UPF2: variants seen among roughly 807,000 people sequenced by gnomAD.
UPF2 encodes the protein UPF2 regulator of nonsense mediated mRNA decay.
UPF2 carries 17 observed loss-of-function variants against 141.4 expected under a neutral mutation model. That is an observed-to-expected ratio of 0.12 (90% CI 0.08 to 0.18). The LOEUF is 0.18. Ranked by LOEUF, UPF2 falls within the 10% of genes least tolerant of loss-of-function variation. The pLI is 1.00. For missense variants in UPF2, 1,152 were observed against 1,515.9 expected, an observed-to-expected ratio of 0.76 and a Z score of 3.99; for synonymous variants, 540 against 498.0, an observed-to-expected ratio of 1.08 and a Z score of -1.12.
chr10:12,022,238 CCT>C (rs1489963593), intron 3 of UPF2, among the ~76,000 whole-genome samples: 9 of 151,690 alleles, frequency 5.9e-5, no homozygotes, highest in Admixed American at 5.9e-4. Flanking sequence ...ATGGTGAAAC[CCT>C]GTCTCTTCTA....
chr10:11,928,061 A>T (rs1832734521), intron 21 of UPF2, among the ~76,000 whole-genome samples: 1 of 152,234 alleles, frequency 6.6e-6, no homozygotes, highest in Non-Finnish European at 1.5e-5. Context: ...GGGCAGCAGA[A>T]GCCACTGTCC....
At chr10:11,922,205 C>T (rs1832654041) in intron 21 of UPF2, among the ~76,000 whole-genome samples, 1 of 152,208 alleles carries the variant, frequency 6.6e-6, no homozygotes, top group African/African-American at 2.4e-5. Flanking sequence ...TCCCTGACCT[C>T]AGGTTTCCTG....
chr10:11,937,986 G>A (rs909511018), intron 18 of UPF2, among the ~76,000 whole-genome samples: 12 of 152,032 alleles, frequency 7.9e-5, no homozygotes, highest in Non-Finnish European at 1.0e-4. Context: ...ACAAAAATGT[G>A]TTGGTAAGTA....
intron 13 of UPF2, among the ~76,000 whole-genome samples, chr10:11,955,721 T>C (rs954402060): frequency 6.6e-6 from 1 of 152,250 alleles, no homozygotes; most frequent in Admixed American, 6.5e-5. Flanking sequence ...AAAGAACATG[T>C]TAGGTATTAA....
At chr10:11,922,862 C>A (rs1225366963) in intron 21 of UPF2, among the ~76,000 whole-genome samples, 1 of 151,948 alleles carries the variant, frequency 6.6e-6, no homozygotes. Context: ...CATAGTGAGA[C>A]CTCGACTCCA....
chr10:11,967,209 A>T, intron 10 of UPF2, 132 bp downstream of exon 10: 2 of 513,712 alleles, frequency 3.9e-6, no homozygotes, highest in Non-Finnish European at 6.5e-6. Flanking sequence ...ACACTTGTTT[A>T]ACGTTACTTT....
chr10:11,954,736 G>T lies in UPF2; in HGVS notation c.2850+496C>A, dbSNP rs553464496. ...CATGCCTGTAATCCTAACACTTTGG[G>T]AGGCTGACGCGGGAGGTTTACTTGA... is the stretch of plus-strand genomic sequence containing the variant. On this transcript the variant is annotated intron_variant, in intron 14 of 21. Coordinates refer to ENST00000357604, the MANE Select transcript of UPF2 (RefSeq NM_015542.4). 6.4e-4 allele frequency among the ~76,000 whole-genome samples: 96 copies of T among 149,078 alleles called. 1 individual carries two copies. The South Asian group carries it at 0.02, about 31-fold the overall frequency.
At chr10:11,995,653 G>A (rs1833853424) in intron 8 of UPF2, among the ~76,000 whole-genome samples, 2 of 152,030 alleles carry the variant, frequency 1.3e-5, no homozygotes, top group Non-Finnish European at 2.9e-5. Context: ...CATGGTGGTG[G>A]GAGCCCATAG....
At chr10:11,946,125 C>T (rs906432589) in intron 16 of UPF2, among the ~76,000 whole-genome samples, 18 of 152,136 alleles carry the variant, frequency 1.2e-4, no homozygotes, top group African/African-American at 3.4e-4. Flanking sequence ...ATTTCCACTG[C>T]CTATAAATAC....
intron 8 of UPF2, among the ~76,000 whole-genome samples, chr10:11,988,369 A>T (rs1833728467): frequency 6.6e-6 from 1 of 152,234 alleles, no homozygotes; most frequent in African/African-American, 2.4e-5. Flanking sequence ...GCTGGAGTGC[A>T]GTGGTGAGAC....
intron 5 of UPF2, among the ~76,000 whole-genome samples, chr10:12,002,458 C>T (rs1833969971): frequency 6.6e-6 from 1 of 152,102 alleles, no homozygotes. Flanking sequence ...TTAAAGTGGA[C>T]TCACATTAAA....
rs571719986 is a variant in UPF2, at chr10:11,986,619, CG to C, written c.1845-7455del. ...AAATGAATGTGAAAGAACGCTGTTACGGTGCAATTAAAGAATACAAAGGATT... is the reference window on the plus strand; with the variant it reads ...AAATGAATGTGAAAGAACGCTGTTACGTGCAATTAAAGAATACAAAGGATT... On this transcript the variant is annotated intron_variant, in intron 8 of 21. Coordinates refer to ENST00000357604, the MANE Select transcript of UPF2 (RefSeq NM_015542.4). 7.9e-5 allele frequency among the ~76,000 whole-genome samples: 12 copies of C among 152,172 alleles called. No individual in the cohort carries two copies. In the East Asian group the frequency reaches 2.3e-3, roughly 29 times the overall value.
At position 12,001,823 on chromosome 10, in the gene UPF2, C is replaced by T. The variant is rs2131267117; in HGVS notation, c.1507G>A (p.Ala503Thr). Residue 503 changes from alanine (A) to threonine (T), a missense_variant and splice_region_variant, in exon 6 of 22, where the codon GCA becomes ACA. Around this residue, in one of 4 missense-constraint regions of UPF2, gnomAD observed 739 missense variants for 1,032.2 expected, o/e 0.72. Coordinates refer to ENST00000357604, the MANE Select transcript of UPF2 (RefSeq NM_015542.4). ...KESNKDDTKE[A>T]KESKENKEVS... ...TCCTTATTCTCCTTAGATTCTTTTG[C>T]CTCTGTTGAAAAACAAACAAGTATA... 6.3e-7 allele frequency: 1 copy of T among 1,584,056 alleles called. No individual in the cohort carries two copies. Among genetic ancestry groups the T allele is most frequent in the Non-Finnish European group, 8.6e-7 (1 of 1,168,796 alleles).
rs1182534198 is a variant in UPF2 at position 11,959,331 on chromosome 10, G to A, written c.2210C>T (p.Ala737Val). 1.9e-6 allele frequency: 3 copies of A among 1,575,734 alleles called. No individual in the cohort carries two copies. Among genetic ancestry groups the A allele is most frequent in the Middle Eastern group, 1.7e-4 (1 of 5,878 alleles). The change falls in exon 12 of 22, where the codon GCA becomes GTA. Residue 737 changes from alanine (A) to valine (V), a missense_variant. Transcript: ENST00000357604. This position sits in a 1 kb window ranked among gnomAD's most constrained non-coding sequence, Gnocchi z 5.9. ...LLEQMMRKKQ[A>V]MHLDARYVTM... ...GACGTATCTCGCATCAAGATGCATT[G>A]CTTGCTTCTTTCTCATCATTTGCTC...
rs1795957543 is a variant in UPF2, at chr10:11,956,497, G to A, written c.2397C>T (p.Pro799=). Residue 799 remains proline (P), a synonymous_variant, in exon 13 of 22, where the codon CCC becomes CCT. Transcript: ENST00000357604. This position sits in a 1 kb window ranked among gnomAD's most constrained non-coding sequence, Gnocchi z 4.2. ...EKVLRQMRKL[P]WQDQEVKDYV... is the part of the protein sequence containing the mutation. ...AGTCTTTCACTTCTTGGTCCTGCCA[G>A]GGCAGCTTTCGCATCTGTCTCAAAA... 1 of 1,613,778 alleles carries A rather than the reference G, an allele frequency of 6.2e-7. No homozygotes were observed. Among genetic ancestry groups the A allele is most frequent in the South Asian group, 1.1e-5 (1 of 91,028 alleles).
At chr10:12,006,367 G>A (rs1834035114) in intron 4 of UPF2, among the ~76,000 whole-genome samples, 2 of 152,140 alleles carry the variant, frequency 1.3e-5, no homozygotes, top group Admixed American at 6.5e-5. Context: ...TTATGATTAT[G>A]AGCCCATTCA....
At chr10:12,037,427 G>A (rs1452145083) in intron 1 of UPF2, among the ~76,000 whole-genome samples, 18 of 126,364 alleles carry the variant, frequency 1.4e-4, no homozygotes, top group African/African-American at 4.7e-4. Context: ...TTTGAGTCTC[G>A]CTCTGTTGCC....
chr10:11,981,430 G>C (rs530958764), intron 8 of UPF2, among the ~76,000 whole-genome samples: 17 of 152,262 alleles, frequency 1.1e-4, no homozygotes, highest in Non-Finnish European at 2.2e-4. Flanking sequence ...GATGCTGAGA[G>C]AAGTCAGCAA....
chr10:12,025,548 C>CTAAATAAATAAATAAA (rs141211300), intron 3 of UPF2, among the ~76,000 whole-genome samples: 288 of 147,348 alleles, frequency 2.0e-3, no homozygotes, highest in African/African-American at 5.3e-3. Context: ...GACTCCATCT[C>CTAAATAAATAAATAAA]TAAATAAATA....
Sources: gnomAD v4.1 joint callset for allele counts (sites outside exome capture counted in the v4.1 genomes callset) on GRCh38, gnomAD v4.1.1 for gene constraint, gnomAD v4.1.1 regional missense constraint, Gnocchi (gnomAD v3.1) non-coding constraint, MANE v1.5 for transcripts, NCBI Gene and HGNC (gene_info 2026-07-23, HGNC 2026-07-21) for gene names.